The following KCNK3 variants were observed in gnomAD, a reference collection of about 807,000 sequenced individuals.
KCNK3 encodes the protein potassium channel subfamily K member 3.
In KCNK3, 9 loss-of-function variants were observed where a neutral mutation model predicts 27.3. The observed-to-expected ratio is 0.33, with a 90% CI of 0.20 to 0.57. KCNK3 has a LOEUF of 0.57. Ranked by LOEUF, KCNK3 falls within the 20% of genes least tolerant of loss-of-function variation. The pLI is 0.87. For synonymous variants in KCNK3, 278 were observed against 273.8 expected (o/e 1.02, Z -0.15); for missense variants, 391 against 577.7 (o/e 0.68, Z 3.31).
At chr2:26,700,197 G>T (rs1350283690) in intron 1 of KCNK3, among the ~76,000 whole-genome samples, 1 of 152,246 alleles carries the variant, frequency 6.6e-6, no homozygotes, top group Non-Finnish European at 1.5e-5. Flanking sequence ...TCAGAGCTGG[G>T]CATAGAGCCC....
At chr2:26,725,491 G>A (rs2148036835) in intron 1 of KCNK3, among the ~76,000 whole-genome samples, 1 of 152,300 alleles carries the variant, frequency 6.6e-6, no homozygotes, top group South Asian at 2.1e-4. Context: ...CATCCATGGT[G>A]CCATGCCCTC....
At chr2:26,727,373 A>T (rs1663439566) in intron 1 of KCNK3, among the ~76,000 whole-genome samples, 1 of 152,198 alleles carries the variant, frequency 6.6e-6, no homozygotes, top group South Asian at 2.1e-4. Context: ...CCCGTCATTG[A>T]GGTCAAACGG....
intron 1 of KCNK3, among the ~76,000 whole-genome samples, chr2:26,725,063 C>G (rs1432097463): frequency 6.6e-6 from 1 of 152,102 alleles, no homozygotes; most frequent in African/African-American, 2.4e-5. Flanking sequence ...CTGGCTTTTC[C>G]TAAGAGACGG....
chr2:26,696,947 T>C (rs1670242095), intron 1 of KCNK3, among the ~76,000 whole-genome samples: 2 of 152,182 alleles, frequency 1.3e-5, no homozygotes, highest in Admixed American at 6.5e-5. Flanking sequence ...ACAATAACAA[T>C]GGCAACCACC....
chr2:26,693,789 C>T lies in KCNK3; in HGVS notation c.283+631C>T, dbSNP rs913828626. 4.6e-5 allele frequency among the ~76,000 whole-genome samples: 7 copies of T among 152,218 alleles called. No homozygotes were observed. Among genetic ancestry groups the T allele is most frequent in the African/African-American group, 1.4e-4 (6 of 41,440 alleles). The stretch of plus-strand genomic sequence containing the variant: ...GATCTGGCCTTGTCAGCCTTCTTCT[C>T]TGCTGTCCCAGCAAAACAGTCACCT... On this transcript the variant is annotated intron_variant, in intron 1 of 1. Coordinates refer to ENST00000302909, the MANE Select transcript of KCNK3 (RefSeq NM_002246.3). The surrounding 1 kb of genome is among the most constrained non-coding windows in gnomAD (Gnocchi z 5.5).
chr2:26,702,887 G>A (rs894615503), intron 1 of KCNK3, among the ~76,000 whole-genome samples: 12 of 152,064 alleles, frequency 7.9e-5, no homozygotes, highest in African/African-American at 2.2e-4. Context: ...AGTCAAAGGC[G>A]GGTGGATCAC....
intron 1 of KCNK3, among the ~76,000 whole-genome samples, chr2:26,714,202 G>A (rs564849463): frequency 5.8e-4 from 88 of 152,026 alleles, no homozygotes; most frequent in African/African-American, 2.0e-3. Flanking sequence ...TCTTCTAACC[G>A]CAAGGTCACC....
At position 26,730,737 on chromosome 2, in the gene KCNK3, T is replaced by C. The variant is rs115165653; in HGVS notation, c.*2169T>C. On this transcript the variant is annotated 3_prime_UTR_variant, in exon 2 of 2. Transcript: ENST00000302909. The stretch of plus-strand genomic sequence containing the variant: ...ACTGGCTGCACGTGGGACCTGAAGG[T>C]GCCCTCTGTGTTTATGTTGGGGGTG... 2.2e-3 allele frequency: 336 copies of C among 152,984 alleles called. No homozygotes were observed. Among genetic ancestry groups the C allele is most frequent in the Non-Finnish European group, 3.7e-3 (256 of 68,670 alleles). 9.5% of individuals were successfully genotyped at this position (152,984 alleles called of 1,614,324 possible).
chr2:26,726,699 C>G (rs927708095), intron 1 of KCNK3, among the ~76,000 whole-genome samples: 2 of 143,090 alleles, frequency 1.4e-5, no homozygotes, highest in Non-Finnish European at 3.0e-5. Flanking sequence ...TCCAGTTAGC[C>G]GGAAGAATTC....
In KCNK3 at chr2:26,728,219, C is replaced by A. The variant is rs1426493978; in HGVS notation, c.836C>A (p.Ala279Glu). ...GGCGGCGGCGGAGGGGGTGGCAGCG[C>A]GCACACTACGGACACCGCCTCATCC... ...QAGGGGGGGS[A>E]HTTDTASSTA... Residue 279 changes from alanine to glutamate, a missense_variant, in exon 2 of 2, where the codon GCG (alanine) becomes GAG (glutamate). By Grantham distance (107) the Ala-to-Glu change is moderately radical. Coordinates refer to ENST00000302909, the MANE Select transcript of KCNK3 (RefSeq NM_002246.3). 1 of 1,563,924 alleles carries A rather than the reference C, an allele frequency of 6.4e-7. No homozygotes were observed.
intron 1 of KCNK3, among the ~76,000 whole-genome samples, chr2:26,723,317 C>T (rs1663356926): frequency 2.0e-5 from 3 of 152,246 alleles, no homozygotes; most frequent in Non-Finnish European, 4.4e-5. Flanking sequence ...CAGCCAGTTT[C>T]TGACCTCCTT....
intron 1 of KCNK3, among the ~76,000 whole-genome samples, chr2:26,711,082 G>A (rs953138985): frequency 9.2e-5 from 14 of 152,206 alleles, no homozygotes; most frequent in Admixed American, 9.2e-4. Flanking sequence ...GGCTCCAGGG[G>A]GGTTCTTGCT....
chr2:26,692,995 G>A lies in KCNK3; in HGVS notation c.120G>A (p.Arg40=), dbSNP rs1022064324. The A allele has an allele frequency of 1.3e-6, 2 of 1,576,098 alleles. No homozygotes were observed. Among genetic ancestry groups the A allele is most frequent in the African/African-American group, 1.4e-5 (1 of 73,786 alleles). The change falls in exon 1 of 2, where the codon CGG becomes CGA. Residue 40 remains arginine, a synonymous_variant. Coordinates refer to ENST00000302909, the MANE Select transcript of KCNK3 (RefSeq NM_002246.3). The surrounding 1 kb of genome is among the most constrained non-coding windows in gnomAD (Gnocchi z 5.6). ...ESEPELIERQ[R]LELRQQELRA... ...AGCCCGAGCTGATCGAGCGGCAGCG[G>A]CTGGAGCTGCGGCAGCAGGAGCTGC...
At chr2:26,699,251 A>AAGAAAGAAAGCAAGCC (rs201319916) in intron 1 of KCNK3, among the ~76,000 whole-genome samples, 3 of 134,258 alleles carry the variant, frequency 2.2e-5, no homozygotes, top group African/African-American at 9.9e-5. Flanking sequence ...GAAAGAAAGA[A>AAGAAAGAAAGCAAGCC]AGCCAGCCAA....
Position 26,733,337 on chromosome 2 carries a change from G to T in KCNK3, c.*4769G>T, listed in dbSNP as rs1248056591. On this transcript the variant is annotated 3_prime_UTR_variant, in exon 2 of 2. Transcript: ENST00000302909. The stretch of plus-strand genomic sequence containing the variant: ...ATGGTTCGTTGGTCAAATGAATTTG[G>T]GAAAATGCTGTCAATATCACCGACT... 6.6e-6 allele frequency: 1 copy of T among 152,176 alleles called. No homozygotes were observed. Among genetic ancestry groups the T allele is most frequent in the Non-Finnish European group, 1.5e-5 (1 of 68,032 alleles). 9.4% of individuals were successfully genotyped at this position (152,176 alleles called of 1,614,324 possible).
Position 26,692,866 on chromosome 2 carries a change from G to T in KCNK3, c.-10G>T, listed in dbSNP as rs1312039797. 5 of 1,289,818 alleles carry T rather than the reference G, an allele frequency of 3.9e-6. No individual in the cohort carries two copies. Among genetic ancestry groups the T allele is most frequent in the Non-Finnish European group, 4.9e-6 (5 of 1,012,968 alleles). The allele number at this position is 1,289,818 out of a possible 1,614,324, so 79.9% of individuals were successfully genotyped here. A position where few individuals can be genotyped will look rare whatever the true frequency, so the allele number is the denominator to read the frequency against. On this transcript the variant is annotated 5_prime_UTR_variant, in exon 1 of 2. Transcript: ENST00000302909. The surrounding 1 kb of genome is among the most constrained non-coding windows in gnomAD (Gnocchi z 5.6). ...GGCGCCGGGGGGCCGGCGGCGGCCCGGGCGGGACGATGAAGCGGCAGAACG... is the reference window on the plus strand; with the variant it reads ...GGCGCCGGGGGGCCGGCGGCGGCCCTGGCGGGACGATGAAGCGGCAGAACG...
chr2:26,698,306 G>T (rs1670260174), intron 1 of KCNK3, among the ~76,000 whole-genome samples: 1 of 152,186 alleles, frequency 6.6e-6, no homozygotes, highest in Non-Finnish European at 1.5e-5. Context: ...AATTTCTGCA[G>T]GGCAGCGGAG....
At chr2:26,700,653 G>T (rs1417251968) in intron 1 of KCNK3, among the ~76,000 whole-genome samples, 2 of 152,218 alleles carry the variant, frequency 1.3e-5, no homozygotes, top group Non-Finnish European at 2.9e-5. Flanking sequence ...CAGGAGGCTG[G>T]CCTTCATGCT....
At chr2:26,726,640 A>T (rs1663424767) in intron 1 of KCNK3, among the ~76,000 whole-genome samples, 1 of 152,210 alleles carries the variant, frequency 6.6e-6, no homozygotes, top group African/African-American at 2.4e-5. Flanking sequence ...TCACACAGCC[A>T]CTAGGGCCCT....
Sources: gnomAD v4.1 joint callset for allele counts (sites outside exome capture counted in the v4.1 genomes callset) on GRCh38, gnomAD v4.1.1 for gene constraint, Gnocchi (gnomAD v3.1) non-coding constraint, MANE v1.5 for transcripts, NCBI Gene and HGNC (gene_info 2026-07-23, HGNC 2026-07-21) for gene names.